Variants in SGCZ observed in about 807,000 individuals in gnomAD.
SGCZ encodes zeta-sarcoglycan.
SGCZ carries 40 observed loss-of-function variants against 41.3 expected under a neutral mutation model. The observed-to-expected ratio is 0.97, with a 90% CI of 0.75 to 1.26. The LOEUF is 1.26. Ranked by LOEUF, SGCZ falls within the 50% of genes most tolerant of loss-of-function variation. The pLI is 0.00. For missense variants in SGCZ, 552 were observed against 369.8 expected, an observed-to-expected ratio of 1.49 and a Z score of -4.04; for synonymous variants, 206 against 137.5, an observed-to-expected ratio of 1.50 and a Z score of -3.49.
intron 2 of SGCZ, among the ~76,000 whole-genome samples, chr8:14,543,407 C>T (rs1803528924): frequency 6.7e-6 from 1 of 149,670 alleles, no homozygotes; most frequent in South Asian, 2.1e-4. Flanking sequence ...ACACAGTTTG[C>T]CCTTCACTAA....
intron 1 of SGCZ, among the ~76,000 whole-genome samples, chr8:15,096,119 G>A (rs751210552): frequency 7.3e-5 from 11 of 151,610 alleles, no homozygotes; most frequent in Admixed American, 4.0e-4. Flanking sequence ...GCCCTGTACC[G>A]CAGGCTGGAG....
chr8:14,470,720 A>C (rs1425901040), intron 2 of SGCZ, among the ~76,000 whole-genome samples: 1 of 152,192 alleles, frequency 6.6e-6, no homozygotes, highest in African/African-American at 2.4e-5. Flanking sequence ...AGATGAATAC[A>C]TAAAGGTATG....
chr8:14,207,562 T>C (rs1392352342), intron 4 of SGCZ, among the ~76,000 whole-genome samples: 1 of 152,168 alleles, frequency 6.6e-6, no homozygotes, highest in African/African-American at 2.4e-5. Flanking sequence ...ATATCTTTTT[T>C]GTAGTGTGTT....
At chr8:15,044,262 A>C (rs941283815) in intron 1 of SGCZ, among the ~76,000 whole-genome samples, 1 of 152,158 alleles carries the variant, frequency 6.6e-6, no homozygotes, top group African/African-American at 2.4e-5. Flanking sequence ...ACAAGGGGGC[A>C]CTGTTAAACT....
chr8:14,232,061 G>GA (rs1170267244), intron 4 of SGCZ, among the ~76,000 whole-genome samples: 2 of 151,662 alleles, frequency 1.3e-5, no homozygotes, highest in African/African-American at 2.4e-5. Flanking sequence ...AAAAATACAG[G>GA]AAAACAAATT....
chr8:15,175,495 T>G (rs1799968734), intron 1 of SGCZ, among the ~76,000 whole-genome samples: 1 of 151,920 alleles, frequency 6.6e-6, no homozygotes, highest in Non-Finnish European at 1.5e-5. Flanking sequence ...TGAGAACACA[T>G]AGACACATAG....
intron 2 of SGCZ, among the ~76,000 whole-genome samples, chr8:14,521,512 T>C (rs774000628): frequency 2.8e-4 from 43 of 152,110 alleles, no homozygotes; most frequent in Non-Finnish European, 5.3e-4. Context: ...CTGATTCATA[T>C]TCCACAGTGC....
chr8:14,335,670 C>A (rs1246615626), intron 2 of SGCZ, among the ~76,000 whole-genome samples: 1 of 152,040 alleles, frequency 6.6e-6, no homozygotes, highest in African/African-American at 2.4e-5. Flanking sequence ...TGATAATTAT[C>A]TCTGTCTCAT....
chr8:14,536,683 A>G (rs1286406528), intron 2 of SGCZ, among the ~76,000 whole-genome samples: 2 of 151,854 alleles, frequency 1.3e-5, no homozygotes, highest in Non-Finnish European at 2.9e-5. Flanking sequence ...TGACCCTGGT[A>G]TATGCTGCTC....
intron 2 of SGCZ, among the ~76,000 whole-genome samples, chr8:14,493,174 A>G (rs1163040553): frequency 3.3e-5 from 5 of 152,038 alleles, no homozygotes; most frequent in Admixed American, 2.0e-4. Context: ...ATGAATATCA[A>G]GAGTCCAAAA....
At chr8:14,315,464 G>A (rs1168109693) in intron 3 of SGCZ, among the ~76,000 whole-genome samples, 2 of 151,988 alleles carry the variant, frequency 1.3e-5, no homozygotes, top group Admixed American at 6.6e-5. Context: ...GCAAATGGAA[G>A]GTGTGTGTGA....
chr8:14,688,866 A>C (rs1808705775), intron 1 of SGCZ, among the ~76,000 whole-genome samples: 1 of 152,124 alleles, frequency 6.6e-6, no homozygotes, highest in Non-Finnish European at 1.5e-5. Flanking sequence ...AGAAAATCCC[A>C]TTGTCTCAGC....
intron 1 of SGCZ, among the ~76,000 whole-genome samples, chr8:14,774,392 C>T (rs186648693): frequency 1.2e-4 from 19 of 152,272 alleles, no homozygotes; most frequent in East Asian, 1.9e-4. Flanking sequence ...TAACATACTC[C>T]GCAACAGGCT....
rs191843925 is a variant in SGCZ at position 14,238,910 on chromosome 8, T to C, written c.337-1231A>G. On this transcript the variant is annotated intron_variant, in intron 3 of 7. Coordinates refer to ENST00000382080, the MANE Select transcript of SGCZ (RefSeq NM_139167.4). ...GTCAATATACAAGTGCTTTCATATG[T>C]AAGCTATATTAAAACTCTCAATATT... Among the ~76,000 whole-genome samples, 12 of 152,130 alleles carry C rather than the reference T, an allele frequency of 7.9e-5. No homozygotes were observed. The East Asian group carries it at 2.1e-3, about 27-fold the overall frequency.
At chr8:14,468,569 T>C (rs1248800639) in intron 2 of SGCZ, among the ~76,000 whole-genome samples, 1 of 152,106 alleles carries the variant, frequency 6.6e-6, no homozygotes, top group Non-Finnish European at 1.5e-5. Context: ...CAATATTGAA[T>C]GTGCAGCAAA....
intron 5 of SGCZ, among the ~76,000 whole-genome samples, chr8:14,163,436 C>A (rs1381101670): frequency 1.3e-5 from 2 of 152,086 alleles, no homozygotes; most frequent in African/African-American, 4.8e-5. Flanking sequence ...GCTTTCTATT[C>A]CTGCATTAGT....
chr8:14,103,918 G>C (rs763625622), intron 6 of SGCZ, among the ~76,000 whole-genome samples: 3 of 152,088 alleles, frequency 2.0e-5, no homozygotes, highest in Non-Finnish European at 4.4e-5. Flanking sequence ...ATGTTAAAAT[G>C]TATTTTTTAT....
At chr8:14,117,287 C>G (rs1802551708) in intron 5 of SGCZ, among the ~76,000 whole-genome samples, 1 of 151,722 alleles carries the variant, frequency 6.6e-6, no homozygotes, top group African/African-American at 2.4e-5. Context: ...TTGGGAATCC[C>G]TTGATCCACT....
rs201135943 is a variant in SGCZ, at chr8:14,652,346, A to AAGT, written c.40-97421_40-97420insACT. ...ACACAGCAAGACTCAAAAAAAAAAAAGGGGGGGGTGTGGGGGGGAGAAAAC... is the reference window on the plus strand; with the variant it reads ...ACACAGCAAGACTCAAAAAAAAAAAAAGTGGGGGGGGTGTGGGGGGGAGAAAAC... On this transcript the variant is annotated intron_variant, in intron 1 of 7. Transcript: ENST00000382080. Among the ~76,000 whole-genome samples the AAGT allele has an allele frequency of 1.7e-3, 85 of 50,722 alleles. 3 individuals carry two copies. The highest frequency in any genetic ancestry group is 0.014 in the East Asian group (13 of 948). The allele number at this position is 50,722 out of a possible 152,430, so 33.3% of individuals were successfully genotyped here. A position where few individuals can be genotyped will look rare whatever the true frequency, so the allele number is the denominator to read the frequency against.
Sources: gnomAD v4.1 joint callset for allele counts (sites outside exome capture counted in the v4.1 genomes callset) on GRCh38, gnomAD v4.1.1 for gene constraint, MANE v1.5 for transcripts, NCBI Gene and HGNC (gene_info 2026-07-23, HGNC 2026-07-21) for gene names.